UBE4B: variants seen among roughly 807,000 people sequenced by gnomAD.
UBE4B encodes the protein ubiquitin conjugation factor E4 B.
Under a neutral mutation model 148.1 loss-of-function variants are expected in UBE4B, and 27 were observed. The observed-to-expected ratio is 0.18, with a 90% confidence interval of 0.13 to 0.25. The LOEUF (loss-of-function observed/expected upper bound fraction) is 0.25, where lower values mean the gene tolerates loss of function less well. Ranked by LOEUF, UBE4B falls within the 10% of genes least tolerant of loss-of-function variation. The probability of loss-of-function intolerance (pLI) is 1.00; values close to 1 mark genes in which losing one functional copy is unlikely to be tolerated. For missense variants in UBE4B, 1,170 were observed against 1,662.4 expected (o/e 0.70, Z 5.15); for synonymous variants, 596 against 619.3 (o/e 0.96, Z 0.56).
chr1:10,165,240 C>T (rs1646228967), intron 23 of UBE4B, among the ~76,000 whole-genome samples: 1 of 152,172 alleles, frequency 6.6e-6, no homozygotes, highest in Non-Finnish European at 1.5e-5. Context: ...TAAATGGCGC[C>T]TTCATTCTAC....
chr1:10,129,151 A>C, intron 11 of UBE4B: 3 of 435,838 alleles, frequency 6.9e-6, no homozygotes, highest in Non-Finnish European at 8.4e-6. Context: ...CTTTGAGGGT[A>C]AAGCTTGAGT....
intron 25 of UBE4B, among the ~76,000 whole-genome samples, chr1:10,176,087 C>T (rs972812576): frequency 7.9e-5 from 12 of 152,230 alleles, no homozygotes; most frequent in Admixed American, 3.3e-4. Context: ...TTCATATAAA[C>T]GGACTTATAC....
At chr1:10,097,229 T>C (rs150563488) in intron 3 of UBE4B, among the ~76,000 whole-genome samples, 2 of 151,586 alleles carry the variant, frequency 1.3e-5, no homozygotes, top group African/African-American at 2.4e-5. Context: ...AGATGAAAAA[T>C]ATAAAAGATA....
intron 7 of UBE4B, among the ~76,000 whole-genome samples, chr1:10,114,946 G>A (rs1188448635): frequency 2.0e-5 from 3 of 152,090 alleles, no homozygotes; most frequent in Admixed American, 2.0e-4. Context: ...TGACTCTGGC[G>A]AGGGCTTTGT....
At chr1:10,140,997 T>G (rs1645774258) in intron 17 of UBE4B, among the ~76,000 whole-genome samples, 1 of 152,162 alleles carries the variant, frequency 6.6e-6, no homozygotes, top group Admixed American at 6.6e-5. Flanking sequence ...AATACTGAAT[T>G]CAGGGTCTCT....
At chr1:10,121,000 C>T (rs1645400724) in intron 9 of UBE4B, among the ~76,000 whole-genome samples, 1 of 152,096 alleles carries the variant, frequency 6.6e-6, no homozygotes, top group Admixed American at 6.6e-5. Flanking sequence ...AAAAAACGTT[C>T]CTTGATTAAA....
chr1:10,038,521 T>G (rs766277757), intron 1 of UBE4B, among the ~76,000 whole-genome samples: 4 of 152,156 alleles, frequency 2.6e-5, no homozygotes, highest in Non-Finnish European at 4.4e-5. Flanking sequence ...TCAGGTTAAG[T>G]AACTTGTCCA....
intron 2 of UBE4B, among the ~76,000 whole-genome samples, chr1:10,081,005 C>G (rs1319423602): frequency 2.6e-5 from 4 of 152,150 alleles, no homozygotes; most frequent in African/African-American, 9.7e-5. Flanking sequence ...AGGATGTTGA[C>G]TGTCATAAAT....
At chr1:10,157,210 G>A (rs115486804) in intron 21 of UBE4B, among the ~76,000 whole-genome samples, 2,662 of 152,126 alleles carry the variant, frequency 0.017, 35 homozygotes, top group Non-Finnish European at 0.027. Flanking sequence ...TAGTAGAGGC[G>A]GGGTTTTGCT....
Position 10,168,041 on chromosome 1 carries a change from G to A in UBE4B, c.3199-95G>A. The A allele has an allele frequency of 7.0e-7, 1 of 1,422,290 alleles. No individual in the cohort carries two copies. The allele number at this position is 1,422,290 out of a possible 1,614,324, so 88.1% of individuals were successfully genotyped here. On this transcript the variant is annotated intron_variant, in intron 23 of 27. Coordinates refer to ENST00000343090, the MANE Select transcript of UBE4B (RefSeq NM_001105562.3). The surrounding 1 kb of genome is among the most constrained non-coding windows in gnomAD (Gnocchi z 4.9). Reference sequence around the variant, plus strand: ...GGTTCTGTCATTCCCTAAGCATGTTGGGTTTATCACGCACTTTCCAGTTAT... The same window carrying A: ...GGTTCTGTCATTCCCTAAGCATGTTAGGTTTATCACGCACTTTCCAGTTAT...
chr1:10,168,313 C>A lies in UBE4B; in HGVS notation c.3333+43C>A. The A allele has an allele frequency of 6.2e-7, 1 of 1,604,118 alleles. No homozygotes were observed. Among genetic ancestry groups the A allele is most frequent in the Non-Finnish European group, 8.5e-7 (1 of 1,174,808 alleles). ...GCTCTGTTTGGTGGTTTGGACTCCA[C>A]ATTCAGACTCTCTCACTTATAACTT... On this transcript the variant is annotated intron_variant, in intron 24 of 27. Transcript: ENST00000343090. The surrounding 1 kb of genome is among the most constrained non-coding windows in gnomAD (Gnocchi z 4.9).
chr1:10,046,038 G>C (rs1464237428), intron 1 of UBE4B, among the ~76,000 whole-genome samples: 2 of 152,186 alleles, frequency 1.3e-5, no homozygotes, highest in Admixed American at 6.5e-5. Flanking sequence ...CTTCTGTCTT[G>C]TACCTACTTT....
intron 11 of UBE4B, 129 bp downstream of exon 11, chr1:10,127,006 G>A: frequency 1.2e-6 from 1 of 818,148 alleles, no homozygotes; most frequent in Non-Finnish European, 2.0e-6. Context: ...AAATCACTGT[G>A]TTGGCCATGC....
chr1:10,139,178 C>T (rs778358174), intron 17 of UBE4B, among the ~76,000 whole-genome samples: 7 of 152,194 alleles, frequency 4.6e-5, no homozygotes, highest in Non-Finnish European at 1.0e-4. Flanking sequence ...GACGGATCAC[C>T]TGAGGTCAGG....
intron 23 of UBE4B, among the ~76,000 whole-genome samples, chr1:10,166,968 CACAAAAAAAA>C (rs958696544): frequency 1.5e-5 from 2 of 133,404 alleles, no homozygotes; most frequent in African/African-American, 6.3e-5. Context: ...CACACACACA[CACAAAAAAAA>C]AAAATTAGCT....
At chr1:10,118,479 A>C (rs1483299814) in intron 8 of UBE4B, among the ~76,000 whole-genome samples, 1 of 151,920 alleles carries the variant, frequency 6.6e-6, no homozygotes, top group African/African-American at 2.4e-5. Context: ...CTGGGATTAC[A>C]GGCACCTGCC....
intron 7 of UBE4B, among the ~76,000 whole-genome samples, chr1:10,115,984 T>C (rs1278085764): frequency 1.3e-5 from 2 of 152,246 alleles, no homozygotes; most frequent in Admixed American, 6.5e-5. Context: ...AATGTTGTTA[T>C]GTGGCGCATG....
rs768246347 is a variant in UBE4B, at chr1:10,161,268, G to T, written c.3180G>T (p.Gln1060His). Residue 1060 changes from glutamine to histidine, a missense_variant, in exon 23 of 28, where the codon CAG (glutamine) becomes CAT (histidine). By Grantham distance (24) the Gln-to-His change is conservative. Coordinates refer to ENST00000343090, the MANE Select transcript of UBE4B (RefSeq NM_001105562.3). This position sits in a 1 kb window ranked among gnomAD's most constrained non-coding sequence, Gnocchi z 4.1. ...EVQEEMKNKE[Q>H]WDQLPRDQQQ... ...AGGAAGAGATGAAGAACAAAGAACA[G>T]TGGGACCAGTTGCCCCGGGTGAGGA... 62 of 1,614,030 alleles carry T rather than the reference G, an allele frequency of 3.8e-5. No homozygotes were observed. The highest frequency in any genetic ancestry group is 5.1e-5 in the Non-Finnish European group (60 of 1,180,000).
At chr1:10,138,423 G>A (rs1233620282) in intron 17 of UBE4B, among the ~76,000 whole-genome samples, 5 of 151,798 alleles carry the variant, frequency 3.3e-5, no homozygotes, top group Admixed American at 6.6e-5. Context: ...TTGTAGAGAC[G>A]GGGTTTCTCC....
Sources: allele counts gnomAD v4.1 joint callset (sites outside exome capture counted in the v4.1 genomes callset), GRCh38; gene constraint gnomAD v4.1.1; non-coding constraint Gnocchi (gnomAD v3.1); transcripts MANE v1.5; gene names NCBI Gene and HGNC (gene_info 2026-07-23, HGNC 2026-07-21).